The following SLC4A10 variants were observed in gnomAD, a reference collection of about 807,000 sequenced individuals.
SLC4A10 encodes the protein sodium-driven chloride bicarbonate exchanger.
SLC4A10 carries 42 observed loss-of-function variants against 137.7 expected under a neutral mutation model. That is an observed-to-expected ratio of 0.30 (90% confidence interval 0.24 to 0.39). The LOEUF is 0.39. SLC4A10 is among the 10% of genes least tolerant of loss of function. The probability of loss-of-function intolerance (pLI) is 1.00; values close to 1 mark genes in which losing one functional copy is unlikely to be tolerated. For missense variants in SLC4A10, 925 were observed against 1,355.0 expected, an observed-to-expected ratio of 0.68 and a Z score of 4.98; for synonymous variants, 474 against 464.1, an observed-to-expected ratio of 1.02 and a Z score of -0.27.
At chr2:161,749,910 TG>T (rs1343049901) in intron 1 of SLC4A10, among the ~76,000 whole-genome samples, 1 of 151,892 alleles carries the variant, frequency 6.6e-6, no homozygotes, top group Non-Finnish European at 1.5e-5. Flanking sequence ...GGGAGATTTT[TG>T]ATTACTACTT....
At chr2:161,720,753 A>G (rs2045561820) in intron 1 of SLC4A10, among the ~76,000 whole-genome samples, 1 of 150,012 alleles carries the variant, frequency 6.7e-6, no homozygotes, top group Admixed American at 6.6e-5. Context: ...CCATCCCTTT[A>G]TTTTGAGCCT....
chr2:161,928,124 A>C (rs1689546892), intron 15 of SLC4A10, among the ~76,000 whole-genome samples: 1 of 150,624 alleles, frequency 6.6e-6, no homozygotes, highest in Non-Finnish European at 1.5e-5. Context: ...AACCAACCCA[A>C]ATGTCCAACA....
At chr2:161,758,465 A>T (rs1420457554) in intron 1 of SLC4A10, among the ~76,000 whole-genome samples, 1 of 151,882 alleles carries the variant, frequency 6.6e-6, no homozygotes, top group East Asian at 1.9e-4. Context: ...ATATTATTTT[A>T]TTATTTCCAC....
chr2:161,957,175 AGGGTTACT>A lies in SLC4A10; in HGVS notation c.2732_2739del (p.Val911AlafsTer44). On this transcript the variant is annotated frameshift_variant, in exon 20 of 27. Transcript: ENST00000446997. LOFTEE classifies it high-confidence loss of function. Reference sequence around the variant, plus strand: ...CAAATTTCTCGGCATTCGGGAGCAAAGGGTTACTGGGCTTATGATTTTTATTCTTATGG... The same window carrying A: ...CAAATTTCTCGGCATTCGGGAGCAAAGGGCTTATGATTTTTATTCTTATGG... 1 of 1,613,760 alleles carries A rather than the reference AGGGTTACT, an allele frequency of 6.2e-7. No individual in the cohort carries two copies. Among genetic ancestry groups the A allele is most frequent in the Non-Finnish European group, 8.5e-7 (1 of 1,179,812 alleles).
intron 26 of SLC4A10, among the ~76,000 whole-genome samples, chr2:161,980,791 A>G (rs1559682889): frequency 6.6e-6 from 1 of 152,328 alleles, no homozygotes; most frequent in Middle Eastern, 3.4e-3. Flanking sequence ...AGGGACAGGG[A>G]CACTCTTATC....
intron 15 of SLC4A10, among the ~76,000 whole-genome samples, chr2:161,939,488 T>A (rs1692266133): frequency 6.6e-6 from 1 of 152,198 alleles, no homozygotes; most frequent in Non-Finnish European, 1.5e-5. Context: ...TCTGTAGCTA[T>A]AAGTATATAG....
chr2:161,943,577 A>G (rs534851076), intron 16 of SLC4A10, among the ~76,000 whole-genome samples: 1 of 152,034 alleles, frequency 6.6e-6, no homozygotes, highest in South Asian at 2.1e-4. Flanking sequence ...TTTCCTATCA[A>G]TACTTGCATT....
intron 2 of SLC4A10, among the ~76,000 whole-genome samples, chr2:161,781,282 G>A (rs2052981873): frequency 1.3e-5 from 2 of 152,046 alleles, no homozygotes; most frequent in South Asian, 2.1e-4. Context: ...CAGATAAGCA[G>A]GAGGAAGTAT....
At position 161,976,766 on chromosome 2, in the gene SLC4A10, T is replaced by A. The variant is rs1184443597; in HGVS notation, c.3234T>A (p.Asp1078Glu). Residue 1078 changes from aspartate (D) to glutamate (E), a missense_variant, in exon 25 of 27, where the codon GAT (aspartate) becomes GAA (glutamate). This residue lies in a region of SLC4A10 where 84 missense variants were observed against 76.9 expected (regional missense o/e 1.09). Coordinates refer to ENST00000446997, the MANE Select transcript of SLC4A10 (RefSeq NM_001178015.2). ...QLPLEGHYRD[D>E]PSVINISDEM... ...TGGGGAAACTCCTGTCTAGAGATGATCCATCTGTGATCAATATATCTGATG... is the reference window on the plus strand; with the variant it reads ...TGGGGAAACTCCTGTCTAGAGATGAACCATCTGTGATCAATATATCTGATG... 6.4e-7 allele frequency: 1 copy of A among 1,563,424 alleles called. No homozygotes were observed. The highest frequency in any genetic ancestry group is 1.8e-5 in the Admixed American group (1 of 54,400).
chr2:161,679,529 T>C lies in SLC4A10; in HGVS notation c.48+54963T>C, dbSNP rs577281117. On this transcript the variant is annotated intron_variant, in intron 1 of 26. Transcript: ENST00000446997. Reference sequence around the variant, plus strand: ...CATGTAAAATAGACTGTAAGTAGTGTAGGAAGAAGGAATTGAAATTAGTGT... The same window carrying C: ...CATGTAAAATAGACTGTAAGTAGTGCAGGAAGAAGGAATTGAAATTAGTGT... Among the ~76,000 whole-genome samples the C allele has an allele frequency of 2.0e-5, 3 of 152,246 alleles. No homozygotes were observed. In the East Asian group the frequency reaches 5.8e-4, roughly 29 times the overall value.
chr2:161,627,533 T>G (rs1009080633), intron 1 of SLC4A10, among the ~76,000 whole-genome samples: 1 of 152,128 alleles, frequency 6.6e-6, no homozygotes, highest in African/African-American at 2.4e-5. Flanking sequence ...AGGAACAGAT[T>G]CTCATTAAGC....
At chr2:161,738,577 C>T (rs2047576062) in intron 1 of SLC4A10, among the ~76,000 whole-genome samples, 1 of 152,178 alleles carries the variant, frequency 6.6e-6, no homozygotes. Context: ...TTTACATGTC[C>T]AGTTAGGTTA....
intron 1 of SLC4A10, among the ~76,000 whole-genome samples, chr2:161,698,906 T>C (rs2124987336): frequency 6.6e-6 from 1 of 152,332 alleles, no homozygotes; most frequent in African/African-American, 2.4e-5. Flanking sequence ...CTTGTACCTC[T>C]GGTAGAATTT....
chr2:161,956,633 C>T (rs1695717243), intron 19 of SLC4A10, among the ~76,000 whole-genome samples: 1 of 152,098 alleles, frequency 6.6e-6, no homozygotes, highest in South Asian at 2.1e-4. Flanking sequence ...AGATCAGTGA[C>T]AGTGGAGTAG....
chr2:161,785,912 T>C (rs949306518), intron 2 of SLC4A10, among the ~76,000 whole-genome samples: 7 of 151,930 alleles, frequency 4.6e-5, no homozygotes, highest in Admixed American at 6.6e-5. Context: ...GAATGGAATG[T>C]TCAGTAGATG....
chr2:161,631,393 G>A (rs1331041735), intron 1 of SLC4A10, among the ~76,000 whole-genome samples: 1 of 151,594 alleles, frequency 6.6e-6, no homozygotes, highest in Non-Finnish European at 1.5e-5. Flanking sequence ...GCTTATATCA[G>A]TTACATTTAT....
intron 3 of SLC4A10, among the ~76,000 whole-genome samples, chr2:161,830,398 T>A (rs1242829669): frequency 1.3e-5 from 2 of 152,198 alleles, no homozygotes; most frequent in East Asian, 3.9e-4. Context: ...TTATATTTAG[T>A]TTAATAGGCT....
intron 8 of SLC4A10, among the ~76,000 whole-genome samples, chr2:161,878,744 A>G (rs1878065): frequency 0.31 from 46,854 of 151,934 alleles, 7,542 homozygotes; most frequent in Admixed American, 0.39. Context: ...ATTAAAATGT[A>G]TTATGTACAA....
At chr2:161,777,435 C>T (rs1388429375) in intron 2 of SLC4A10, among the ~76,000 whole-genome samples, 3 of 151,940 alleles carry the variant, frequency 2.0e-5, no homozygotes, top group Non-Finnish European at 4.4e-5. Flanking sequence ...TTGCCAAATT[C>T]AATATGATGA....
Sources: allele counts gnomAD v4.1 joint callset (sites outside exome capture counted in the v4.1 genomes callset), GRCh38; gene constraint gnomAD v4.1.1; regional missense constraint gnomAD v4.1.1; transcripts MANE v1.5; gene names NCBI Gene and HGNC (gene_info 2026-07-23, HGNC 2026-07-21).